Variants in FIGN observed in about 807,000 individuals in gnomAD.
FIGN encodes the protein fidgetin.
FIGN carries 11 observed loss-of-function variants against 51.3 expected under a neutral mutation model. The ratio of observed to expected loss-of-function variants is 0.21; its 90% CI spans 0.13 to 0.35. The LOEUF is 0.35. Ranked by LOEUF, FIGN falls within the 10% of genes least tolerant of loss-of-function variation. The pLI is 1.00. For missense variants in FIGN, 857 were observed against 943.6 expected (o/e 0.91, Z 1.20); for synonymous variants, 407 against 363.2 (o/e 1.12, Z -1.37).
rs1258378034 is a variant in FIGN, at chr2:163,697,100, C to CTTTTTTTTTTTTTTTTTTTTTTTT, written c.25+37802_25+37803insAAAAAAAAAAAAAAAAAAAAAAAA. ...GTCATAATTTTTTTTCTTTTCTTTT[C>CTTTTTTTTTTTTTTTTTTTTTTTT]TTTCTTTTTTTTTTTTTTTTGAGAC... On this transcript the variant is annotated intron_variant, in intron 2 of 2. Coordinates refer to ENST00000333129, the MANE Select transcript of FIGN (RefSeq NM_018086.4). 1.8e-5 allele frequency among the ~76,000 whole-genome samples: 2 copies of CTTTTTTTTTTTTTTTTTTTTTTTT among 108,432 alleles called. 1 individual carries two copies. The allele number at this position is 108,432 out of a possible 152,430, so 71.1% of individuals were successfully genotyped here.
chr2:163,611,886 G>A (rs1456570307), intron 2 of FIGN, 80 bp from the exon 3 acceptor site: 2 of 1,229,520 alleles, frequency 1.6e-6, no homozygotes, highest in Non-Finnish European at 2.2e-6. Context: ...AATTTCTTTT[G>A]TTACCTATTA....
At chr2:163,612,761 T>TAC (rs1491038021) in intron 2 of FIGN, among the ~76,000 whole-genome samples, 9 of 140,414 alleles carry the variant, frequency 6.4e-5, no homozygotes, top group Non-Finnish European at 1.1e-4. Flanking sequence ...TATATATATA[T>TAC]ATATATATTA....
rs150503466 is a variant in FIGN, at chr2:163,653,995, G to A, written c.26-42189C>T. On this transcript the variant is annotated intron_variant, in intron 2 of 2. Coordinates refer to ENST00000333129, the MANE Select transcript of FIGN (RefSeq NM_018086.4). ...ATGTTTTGCTAAACTGGAGCAAAGC[G>A]CTAATATGAATATAAGGATAATTTG... 1.9e-3 allele frequency among the ~76,000 whole-genome samples: 296 copies of A among 152,162 alleles called. 6 individuals are homozygous for A. The East Asian group carries it at 0.024, about 12-fold the overall frequency.
intron 2 of FIGN, among the ~76,000 whole-genome samples, chr2:163,631,756 AT>A (rs1683148998): frequency 6.6e-6 from 1 of 152,194 alleles, no homozygotes; most frequent in Non-Finnish European, 1.5e-5. Flanking sequence ...AGGGAAGGTA[AT>A]TTATTTTGTT....
intron 2 of FIGN, among the ~76,000 whole-genome samples, chr2:163,684,118 T>C (rs1413389908): frequency 6.6e-6 from 1 of 152,160 alleles, no homozygotes; most frequent in African/African-American, 2.4e-5. Context: ...TTCTTTATCA[T>C]AGATCATTAT....
At chr2:163,647,032 A>G (rs1474851413) in intron 2 of FIGN, among the ~76,000 whole-genome samples, 1 of 152,244 alleles carries the variant, frequency 6.6e-6, no homozygotes, top group African/African-American at 2.4e-5. Context: ...ATAAGACTAC[A>G]GAAAGCTCTC....
rs199707272 is a variant in FIGN, at chr2:163,707,184, CA to C, written c.25+27718del. ...CAACATGGTGAAACCCCGTCTCTAC[CA>C]AAAATACAAAAAAATTAGCTGGGTA... On this transcript the variant is annotated intron_variant, in intron 2 of 2. Coordinates refer to ENST00000333129, the MANE Select transcript of FIGN (RefSeq NM_018086.4). Among the ~76,000 whole-genome samples the C allele has an allele frequency of 5.9e-3, 890 of 151,752 alleles. 24 individuals are homozygous for C. The highest frequency in any genetic ancestry group is 0.025 in the East Asian group (130 of 5,130).
chr2:163,673,451 CAGTGTA>C (rs1442968576), intron 2 of FIGN, among the ~76,000 whole-genome samples: 18 of 152,172 alleles, frequency 1.2e-4, no homozygotes, highest in Non-Finnish European at 2.4e-4. Context: ...TCCAAGATTT[CAGTGTA>C]CAATGCTCAA....
intron 2 of FIGN, among the ~76,000 whole-genome samples, chr2:163,620,186 C>A (rs1349227645): frequency 1.3e-5 from 2 of 152,132 alleles, no homozygotes; most frequent in African/African-American, 4.8e-5. Context: ...TTTGTTTATG[C>A]TACCTCTGTG....
intron 2 of FIGN, among the ~76,000 whole-genome samples, chr2:163,681,457 T>A (rs1389073356): frequency 2.6e-5 from 4 of 152,212 alleles, no homozygotes; most frequent in East Asian, 1.9e-4. Flanking sequence ...ATAATTATAA[T>A]CCCAGCACTA....
At chr2:163,656,196 C>T (rs1683556905) in intron 2 of FIGN, among the ~76,000 whole-genome samples, 1 of 152,126 alleles carries the variant, frequency 6.6e-6, no homozygotes, top group Non-Finnish European at 1.5e-5. Flanking sequence ...CTGACTCTTA[C>T]TCTTAGAGAC....
chr2:163,621,830 T>G (rs930897498), intron 2 of FIGN, among the ~76,000 whole-genome samples: 1 of 152,274 alleles, frequency 6.6e-6, no homozygotes, highest in East Asian at 1.9e-4. Flanking sequence ...GATATCAGCA[T>G]CTTCAAAGGA....
rs374396460 is a variant in FIGN at position 163,610,010 on chromosome 2, C to T, written c.1822G>A (p.Glu608Lys). ...ACAGTGTCCAGTTGCATCAGAAATT[C>T]GGTTCTCATCCGACTGACTGGACTA... ...EHSPVSRMRT[E>K]FLMQLDTVLT... The change falls in exon 3 of 3, where the codon GAA becomes AAA. Residue 608 changes from glutamate (E) to lysine (K), a missense_variant. By Grantham distance (56) the Glu-to-Lys change is moderately conservative. Coordinates refer to ENST00000333129, the MANE Select transcript of FIGN (RefSeq NM_018086.4). The T allele has an allele frequency of 3.2e-5, 52 of 1,614,002 alleles. No homozygotes were observed. Among genetic ancestry groups the T allele is most frequent in the Admixed American group, 5.0e-5 (3 of 60,008 alleles).
intron 2 of FIGN, among the ~76,000 whole-genome samples, chr2:163,728,912 A>C (rs2105367982): frequency 6.6e-6 from 1 of 152,324 alleles, no homozygotes; most frequent in Admixed American, 6.5e-5. Context: ...AGGTGAAGGT[A>C]AAAATGTCTC....
chr2:163,642,736 G>T (rs1683323175), intron 2 of FIGN, among the ~76,000 whole-genome samples: 1 of 152,256 alleles, frequency 6.6e-6, no homozygotes, highest in East Asian at 1.9e-4. Flanking sequence ...CTCATTAATT[G>T]TATGTTGGAT....
chr2:163,662,639 C>A (rs1297612029), intron 2 of FIGN, among the ~76,000 whole-genome samples: 1 of 152,132 alleles, frequency 6.6e-6, no homozygotes, highest in African/African-American at 2.4e-5. Context: ...GTGCTGGGTG[C>A]AGCCTAGGGA....
chr2:163,641,417 A>G (rs1683303474), intron 2 of FIGN, among the ~76,000 whole-genome samples: 1 of 152,214 alleles, frequency 6.6e-6, no homozygotes, highest in Non-Finnish European at 1.5e-5. Flanking sequence ...TGAATCACAT[A>G]GCTTGAAAGG....
chr2:163,683,114 CTTTTGTTGAACA>C (rs1684091604), intron 2 of FIGN, among the ~76,000 whole-genome samples: 1 of 152,136 alleles, frequency 6.6e-6, no homozygotes, highest in Non-Finnish European at 1.5e-5. Flanking sequence ...CTGGATATGC[CTTTTGTTGAACA>C]TCTTTCTCCC....
chr2:163,669,176 C>T (rs1240045352), intron 2 of FIGN, among the ~76,000 whole-genome samples: 2 of 151,916 alleles, frequency 1.3e-5, no homozygotes, highest in Non-Finnish European at 2.9e-5. Context: ...TCTTAAAAAT[C>T]TACATAACTA....
Sources: allele counts gnomAD v4.1 joint callset (sites outside exome capture counted in the v4.1 genomes callset), GRCh38; gene constraint gnomAD v4.1.1; transcripts MANE v1.5; gene names NCBI Gene and HGNC (gene_info 2026-07-23, HGNC 2026-07-21).